The following ISCU variants were observed in gnomAD, a reference collection of about 807,000 sequenced individuals.
The protein encoded by ISCU is iron-sulfur cluster assembly enzyme, also known as iron-sulfur cluster assembly enzyme ISCU.
A neutral mutation model predicts 18.4 loss-of-function variants in ISCU; 13 were observed. The ratio of observed to expected loss-of-function variants is 0.71; its 90% CI spans 0.46 to 1.12. ISCU has a LOEUF of 1.12. Ranked by LOEUF, ISCU falls within the 50% of genes most tolerant of loss-of-function variation. ISCU has a pLI of 0.00. For synonymous variants in ISCU, 104 were observed against 87.5 expected (o/e 1.19, Z -1.06); for missense variants, 229 against 208.7 (o/e 1.10, Z -0.60).
At chr12:108,565,993 A>G (rs1449496917) in intron 3 of ISCU, among the ~76,000 whole-genome samples, 1 of 152,246 alleles carries the variant, frequency 6.6e-6, no homozygotes, top group East Asian at 1.9e-4. Context: ...TTGTCTCCCA[A>G]GTGTCTTTCC....
chr12:108,568,019 A>G (rs2030982511), intron 4 of ISCU: 2 of 1,523,062 alleles, frequency 1.3e-6, no homozygotes, highest in South Asian at 1.2e-5. Flanking sequence ...TTGCCAAGGT[A>G]ATACTCACAG....
Position 108,565,394 on chromosome 12 carries a change from C to A in ISCU, c.302C>A (p.Ser101Tyr). 1 of 1,613,930 alleles carries A rather than the reference C, an allele frequency of 6.2e-7. No homozygotes were observed. The highest frequency in any genetic ancestry group is 1.1e-5 in the South Asian group (1 of 91,074). Residue 101 changes from serine to tyrosine, a missense_variant, in exon 3 of 5, where the codon TCC becomes TAC. Physicochemically the swap from Ser to Tyr is moderately radical, Grantham distance 144. Transcript: ENST00000311893. ...TTTGGCTGTGGTTCCGCAATTGCCT[C>A]CAGCTCATTAGCCACTGAATGGGTG... ...KTFGCGSAIA[S>Y]SSLATEWVKG... is the part of the protein sequence containing the mutation.
intron 4 of ISCU, chr12:108,568,065 C>T (rs2030984823): frequency 1.4e-6 from 2 of 1,454,750 alleles, no homozygotes; most frequent in African/African-American, 1.4e-5. Context: ...CACACTAACT[C>T]ATTCTTCAGG....
intron 1 of ISCU, 167 bp downstream of exon 1, chr12:108,562,903 A>C: frequency 2.4e-6 from 1 of 410,084 alleles, no homozygotes; most frequent in Non-Finnish European, 4.3e-6. Flanking sequence ...ACTGATAAAC[A>C]ACAGTTACCG....
At chr12:108,567,706 C>A (rs571468578) in intron 4 of ISCU, 1 of 1,536,014 alleles carries the variant, frequency 6.5e-7, no homozygotes, top group Non-Finnish European at 8.7e-7. Context: ...TCGCCATAAT[C>A]CTGTTTCCTG....
intron 4 of ISCU, chr12:108,567,691 A>G (rs1164661925): frequency 7.8e-6 from 12 of 1,536,062 alleles, no homozygotes; most frequent in Non-Finnish European, 9.6e-6. Flanking sequence ...GAGAAAACTC[A>G]GCTTTCGCCA....
chr12:108,564,781 G>C (rs139213689), intron 2 of ISCU, among the ~76,000 whole-genome samples: 2 of 152,334 alleles, frequency 1.3e-5, no homozygotes, highest in Non-Finnish European at 2.9e-5. Flanking sequence ...CAGATTGGGG[G>C]AAACATGAAA....
intron 4 of ISCU, 70 bp from the exon 5 acceptor site, chr12:108,568,761 A>C: frequency 1.3e-6 from 2 of 1,561,154 alleles, no homozygotes; most frequent in Middle Eastern, 1.7e-4. Context: ...CCAGCTCTTA[A>C]AGATTCTATT....
chr12:108,562,683 C>G lies in ISCU; in HGVS notation c.61C>G (p.Pro21Ala). ...RAASALLLRS[P>A]RLPARELSAP... ...GGCATCGGCTCTGCTGCTGCGGAGC[C>G]CCCGCCTGCCCGCCCGGGAGCTGTC... Residue 21 changes from proline to alanine, a missense_variant, in exon 1 of 5, where the codon CCC (proline) becomes GCC (alanine). Physicochemically the swap from Pro to Ala is conservative, Grantham distance 27 (BLOSUM62 -1). Transcript: ENST00000311893. 1 of 1,476,288 alleles carries G rather than the reference C, an allele frequency of 6.8e-7. No individual in the cohort carries two copies. Among genetic ancestry groups the G allele is most frequent in the South Asian group, 1.3e-5 (1 of 74,514 alleles). The allele number at this position is 1,476,288 out of a possible 1,614,324, so 91.4% of individuals were successfully genotyped here.
At chr12:108,568,291 C>G in intron 4 of ISCU, 1 of 1,122,324 alleles carries the variant, frequency 8.9e-7, no homozygotes, top group African/African-American at 1.6e-5. Flanking sequence ...TTCCCCATAG[C>G]CTCACTTTGA....
At chr12:108,563,617 A>G (rs2030738833) in intron 1 of ISCU, 1 of 231,606 alleles carries the variant, frequency 4.3e-6, no homozygotes. Context: ...GTTTATTGTG[A>G]TCTGGCTTCT....
At chr12:108,564,863 G>C in intron 2 of ISCU, 1 of 269,182 alleles carries the variant, frequency 3.7e-6, no homozygotes, top group Non-Finnish European at 7.2e-6. Flanking sequence ...TGGGCAGCTT[G>C]CCAGAGGTCT....
chr12:108,566,778 A>G (rs182323525), intron 3 of ISCU, among the ~76,000 whole-genome samples: 1 of 152,242 alleles, frequency 6.6e-6, no homozygotes, highest in African/African-American at 2.4e-5. Context: ...GCCATTCGGC[A>G]CTTCTAGTCA....
chr12:108,566,413 A>G (rs1302544437), intron 3 of ISCU, among the ~76,000 whole-genome samples: 1 of 152,236 alleles, frequency 6.6e-6, no homozygotes. Flanking sequence ...AGAAAATGGG[A>G]GAGAGGACAT....
chr12:108,568,122 G>C, intron 4 of ISCU: 2 of 1,369,730 alleles, frequency 1.5e-6, no homozygotes, highest in Non-Finnish European at 9.4e-7. Flanking sequence ...GGAATTTTAA[G>C]TACCCATAAA....
At chr12:108,567,129 G>A (rs1221207741) in intron 3 of ISCU, 61 bp from the exon 4 acceptor site, 8 of 1,272,626 alleles carry the variant, frequency 6.3e-6, no homozygotes, top group Non-Finnish European at 8.0e-6. Flanking sequence ...CTTTTTTATT[G>A]GCTGGCCCTC....
upstream of ISCU, chr12:108,562,432 TCCCGACCCCGCCCG>T (rs2030619684): frequency 2.3e-6 from 1 of 438,004 alleles, no homozygotes; most frequent in Non-Finnish European, 4.0e-6. Context: ...ACCTTCCCGC[TCCCGACCCCGCCCG>T]CCCCCGAGAG....
intron 3 of ISCU, among the ~76,000 whole-genome samples, chr12:108,566,613 C>T (rs2030909573): frequency 1.3e-5 from 2 of 152,162 alleles, no homozygotes; most frequent in African/African-American, 2.4e-5. Flanking sequence ...CACATTATCC[C>T]CCAGGGCTGT....
intron 3 of ISCU, among the ~76,000 whole-genome samples, chr12:108,565,898 G>A (rs575895632): frequency 4.6e-5 from 7 of 152,322 alleles, no homozygotes; most frequent in African/African-American, 1.7e-4. Flanking sequence ...AGTGAACAAC[G>A]AAATCAGAAC....
Sources: allele counts gnomAD v4.1 joint callset (sites outside exome capture counted in the v4.1 genomes callset), GRCh38; gene constraint gnomAD v4.1.1; transcripts MANE v1.5; gene names NCBI Gene and HGNC (gene_info 2026-07-23, HGNC 2026-07-21).